CABLES2: variants seen among roughly 807,000 people sequenced by gnomAD.
CABLES2 encodes Cdk5 and Abl enzyme substrate 2, also known as CDK5 and ABL1 enzyme substrate 2.
Under a neutral mutation model 44.8 loss-of-function variants are expected in CABLES2, and 35 were observed. The observed-to-expected ratio is 0.78, with a 90% CI of 0.60 to 1.04. CABLES2 has a LOEUF of 1.04. Ranked by LOEUF, CABLES2 falls within the 50% of genes least tolerant of loss-of-function variation. The pLI is 0.00. For missense variants in CABLES2, 566 were observed against 615.7 expected (o/e 0.92, Z 0.85); for synonymous variants, 282 against 281.1 (o/e 1.00, Z -0.03).
rs754052426 is a variant in CABLES2, at chr20:62,391,234, G to A, written c.1296+15C>T. ...CATGACCCTGCCTGCAGTGCCTGCC[G>A]AGCCGGGCACTCACATCGATGAGCT... is the stretch of plus-strand genomic sequence containing the variant. On this transcript the variant is annotated intron_variant, in intron 9 of 9. Coordinates refer to ENST00000279101, the MANE Select transcript of CABLES2 (RefSeq NM_031215.3). This position sits in a 1 kb window ranked among gnomAD's most constrained non-coding sequence, Gnocchi z 5.7. 1.4e-5 allele frequency: 22 copies of A among 1,603,910 alleles called. No individual in the cohort carries two copies. In the South Asian group the frequency reaches 1.6e-4, roughly 12 times the overall value.
Position 62,388,724 on chromosome 20 carries a change from C to T in CABLES2, c.*2247G>A, listed in dbSNP as rs1987845456. The T allele has an allele frequency of 9.1e-6, 5 of 551,572 alleles. No individual in the cohort carries two copies. Among genetic ancestry groups the T allele is most frequent in the Admixed American group, 3.4e-5 (1 of 29,284 alleles). The allele number at this position is 551,572 out of a possible 1,614,324, so 34.2% of individuals were successfully genotyped here. On this transcript the variant is annotated 3_prime_UTR_variant, in exon 10 of 10. Transcript: ENST00000279101. ...AACTCAAACATTCTGAGGTCTGATACTTGCTTATGCACACTGACATCCACA... is the reference window on the plus strand; with the variant it reads ...AACTCAAACATTCTGAGGTCTGATATTTGCTTATGCACACTGACATCCACA...
Position 62,394,257 on chromosome 20 carries a change from C to T in CABLES2, c.614G>A (p.Arg205Lys). 1.2e-6 allele frequency: 2 copies of T among 1,613,146 alleles called. No homozygotes were observed. The highest frequency in any genetic ancestry group is 1.3e-5 in the African/African-American group (1 of 75,060). Residue 205 changes from arginine (R) to lysine (K), a missense_variant, in exon 5 of 10, where the codon AGG becomes AAG. By Grantham distance (26) the Arg-to-Lys change is conservative. This residue lies in a region of CABLES2 where 436 missense variants were observed against 536.3 expected (regional missense o/e 0.81). Transcript: ENST00000279101. ...GTGCCTCTGCTTCTGGCTGTCCACCCTCAGGTCACTGCAAACATGGGAGAG... is the reference window on the plus strand; with the variant it reads ...GTGCCTCTGCTTCTGGCTGTCCACCTTCAGGTCACTGCAAACATGGGAGAG... ...YGEGLRISDL[R>K]VDSQKQRHPS...
At position 62,394,037 on chromosome 20, in the gene CABLES2, C is replaced by T. The variant is rs116427448; in HGVS notation, c.714+120G>A. The T allele has an allele frequency of 3.7e-4, 301 of 807,202 alleles. 2 individuals are homozygous for T. The African/African-American group carries it at 4.3e-3, about 11-fold the overall frequency. The allele number at this position is 807,202 out of a possible 1,614,324, so 50.0% of individuals were successfully genotyped here. ...CGGGCCCGCATCCACTCCACCCTTGCGTTTTACGTGGAGTGAAGCACAGCT... is the reference window on the plus strand; with the variant it reads ...CGGGCCCGCATCCACTCCACCCTTGTGTTTTACGTGGAGTGAAGCACAGCT... On this transcript the variant is annotated intron_variant, in intron 5 of 9. Coordinates refer to ENST00000279101, the MANE Select transcript of CABLES2 (RefSeq NM_031215.3).
At position 62,406,900 on chromosome 20, in the gene CABLES2, C is replaced by T. The variant is rs757306878; in HGVS notation, c.362+15G>A. The T allele has an allele frequency of 2.6e-5, 32 of 1,207,622 alleles. No individual in the cohort carries two copies. The highest frequency in any genetic ancestry group is 3.2e-5 in the African/African-American group (2 of 63,410). 74.8% of individuals were successfully genotyped at this position (1,207,622 alleles called of 1,614,324 possible). A position where few individuals can be genotyped will look rare whatever the true frequency, so the allele number is the denominator to read the frequency against. On this transcript the variant is annotated intron_variant, in intron 1 of 9. Transcript: ENST00000279101. ...ACCCCGCGTCCTGGGCTGACCTGGCCGGGCCCCCACTCACCTCTGGCGCTG... is the reference window on the plus strand; with the variant it reads ...ACCCCGCGTCCTGGGCTGACCTGGCTGGGCCCCCACTCACCTCTGGCGCTG...
chr20:62,392,542 A>T (rs747224277), intron 7 of CABLES2, 47 bp from the exon 8 acceptor site: 1 of 1,345,236 alleles, frequency 7.4e-7, no homozygotes, highest in East Asian at 2.3e-5. Flanking sequence ...CGCACAGTCC[A>T]TGGGTCCTGC....
intron 3 of CABLES2, among the ~76,000 whole-genome samples, chr20:62,395,933 G>A (rs1452710855): frequency 6.6e-6 from 1 of 152,212 alleles, no homozygotes; most frequent in Non-Finnish European, 1.5e-5. Flanking sequence ...GGGCAGCCAG[G>A]TGTTTGGTTT....
intron 5 of CABLES2, 81 bp downstream of exon 5, chr20:62,394,076 G>A (rs991215502): frequency 2.5e-5 from 26 of 1,048,598 alleles, no homozygotes; most frequent in East Asian, 4.7e-5. Context: ...CGTGTGCCTC[G>A]TGGGCACTGA....
Position 62,393,469 on chromosome 20 carries a change from G to C in CABLES2, c.851C>G (p.Thr284Ser). The C allele has an allele frequency of 6.2e-7, 1 of 1,611,592 alleles. No individual in the cohort carries two copies. Among genetic ancestry groups the C allele is most frequent in the South Asian group, 1.1e-5 (1 of 90,664 alleles). Residue 284 changes from threonine to serine, a missense_variant, in exon 6 of 10, where the codon ACC becomes AGC. Physicochemically the swap from Thr to Ser is moderately conservative, Grantham distance 58. This residue lies in a region of CABLES2 where 436 missense variants were observed against 536.3 expected (regional missense o/e 0.81). Coordinates refer to ENST00000279101, the MANE Select transcript of CABLES2 (RefSeq NM_031215.3). ...TTCTGTGCTGGCTGGTGCCGACTTG[G>C]TGGGGGCAGGTTTATGTCTTGACCC... ...LPGSRHKPAP[T>S]KSAPASTELG... is the part of the protein sequence containing the mutation.
intron 1 of CABLES2, among the ~76,000 whole-genome samples, chr20:62,398,027 G>C (rs1988072585): frequency 6.8e-6 from 1 of 147,182 alleles, no homozygotes; most frequent in African/African-American, 2.7e-5. Flanking sequence ...TGGTGGTGGT[G>C]GTGACAGTGA....
At chr20:62,397,962 A>ATGATGGTGATGGTTATGGCGGTGG (rs1569017221) in intron 1 of CABLES2, among the ~76,000 whole-genome samples, 2 of 75,060 alleles carry the variant, frequency 2.7e-5, no homozygotes, top group African/African-American at 6.8e-5. Flanking sequence ...AGTGGTGGTG[A>ATGATGGTGATGGTTATGGCGGTGG]TGGTGGTGAC....
rs141080317 is a variant in CABLES2 at position 62,393,961 on chromosome 20, G to A, written c.714+196C>T. On this transcript the variant is annotated intron_variant, in intron 5 of 9. Transcript: ENST00000279101. ...GGGCAGTGGCGCAGACCTCAGGCAC[G>A]GCCAGGCGGGGGAGTCCGACGGGCT... is the stretch of plus-strand genomic sequence containing the variant. Among the ~76,000 whole-genome samples the A allele has an allele frequency of 2.4e-3, 364 of 152,310 alleles. 1 individual carries two copies. Among genetic ancestry groups the A allele is most frequent in the South Asian group, 0.016 (78 of 4,824 alleles).
chr20:62,390,512 A>T lies in CABLES2; in HGVS notation c.*459T>A. Reference sequence around the variant, plus strand: ...ACATCTCCAAGATGAATGCCTAAATAAGTTAAACTCAGCCATTCCAGTGTG... The same window carrying T: ...ACATCTCCAAGATGAATGCCTAAATTAGTTAAACTCAGCCATTCCAGTGTG... On this transcript the variant is annotated 3_prime_UTR_variant, in exon 10 of 10. Transcript: ENST00000279101. The T allele has an allele frequency of 6.3e-6, 1 of 158,490 alleles. No individual in the cohort carries two copies. The highest frequency in any genetic ancestry group is 1.4e-5 in the Non-Finnish European group (1 of 71,578). The allele number at this position is 158,490 out of a possible 1,614,324, so 9.8% of individuals were successfully genotyped here. A position where few individuals can be genotyped will look rare whatever the true frequency, so the allele number is the denominator to read the frequency against.
intron 1 of CABLES2, among the ~76,000 whole-genome samples, chr20:62,401,347 G>A (rs1988184000): frequency 6.6e-6 from 1 of 152,196 alleles, no homozygotes; most frequent in African/African-American, 2.4e-5. Context: ...AACGAGGGAG[G>A]TGCTTCCCTT....
chr20:62,391,508 G>A lies in CABLES2; in HGVS notation c.1092-55C>T. On this transcript the variant is annotated intron_variant, in intron 8 of 9. Coordinates refer to ENST00000279101, the MANE Select transcript of CABLES2 (RefSeq NM_031215.3). This position sits in a 1 kb window ranked among gnomAD's most constrained non-coding sequence, Gnocchi z 5.7. ...GGGGGCTCTGGCTGGGGCTGAGGAG[G>A]CAGCCCCCTGCCACCACCAACCGAG... is the stretch of plus-strand genomic sequence containing the variant. The A allele has an allele frequency of 6.4e-7, 1 of 1,555,044 alleles. No individual in the cohort carries two copies. Among genetic ancestry groups the A allele is most frequent in the Admixed American group, 1.7e-5 (1 of 59,230 alleles).
At chr20:62,399,395 C>A (rs1281010019) in intron 1 of CABLES2, among the ~76,000 whole-genome samples, 1 of 151,154 alleles carries the variant, frequency 6.6e-6, no homozygotes, top group Non-Finnish European at 1.5e-5. Flanking sequence ...TACAGGCGCC[C>A]GCCACCACGC....
rs140807086 is a variant in CABLES2, at chr20:62,400,385, C to T, written c.363-3793G>A. Among the ~76,000 whole-genome samples the T allele has an allele frequency of 1.4e-4, 21 of 152,320 alleles. No individual in the cohort carries two copies. The East Asian group carries it at 3.7e-3, about 27-fold the overall frequency. ...GGTGTGTGGCAGACGCCGGCTGTCCCGAGAGGCCCAGGTGAGTGCTGGCCT... is the reference window on the plus strand; with the variant it reads ...GGTGTGTGGCAGACGCCGGCTGTCCTGAGAGGCCCAGGTGAGTGCTGGCCT... On this transcript the variant is annotated intron_variant, in intron 1 of 9. Coordinates refer to ENST00000279101, the MANE Select transcript of CABLES2 (RefSeq NM_031215.3).
Position 62,393,462 on chromosome 20 carries a change from C to G in CABLES2, c.858G>C (p.Ser286=). The stretch of plus-strand genomic sequence containing the variant: ...TACCTAGTTCTGTGCTGGCTGGTGC[C>G]GACTTGGTGGGGGCAGGTTTATGTC... ...GSRHKPAPTK[S]APASTELGSD... is the part of the protein sequence containing the mutation. The change falls in exon 6 of 10, where the codon TCG becomes TCC. Residue 286 remains serine, a synonymous_variant. Transcript: ENST00000279101. The G allele has an allele frequency of 6.2e-7, 1 of 1,609,884 alleles. No homozygotes were observed. The highest frequency in any genetic ancestry group is 8.5e-7 in the Non-Finnish European group (1 of 1,177,798).
At chr20:62,394,562 A>G (rs779219947) in intron 4 of CABLES2, among the ~76,000 whole-genome samples, 75 of 152,014 alleles carry the variant, frequency 4.9e-4, no homozygotes, top group Admixed American at 1.2e-3. Context: ...AGGTTTCTCC[A>G]CCACTGTTTT....
At chr20:62,400,367 G>T (rs946749687) in intron 1 of CABLES2, among the ~76,000 whole-genome samples, 2 of 152,200 alleles carry the variant, frequency 1.3e-5, no homozygotes, top group Admixed American at 6.5e-5. Context: ...GGGGGTGTGT[G>T]GCAGACGCCG....
Sources: gnomAD v4.1 joint callset for allele counts (sites outside exome capture counted in the v4.1 genomes callset) on GRCh38, gnomAD v4.1.1 for gene constraint, gnomAD v4.1.1 regional missense constraint, Gnocchi (gnomAD v3.1) non-coding constraint, MANE v1.5 for transcripts, NCBI Gene and HGNC (gene_info 2026-07-23, HGNC 2026-07-21) for gene names.